Variants in FNDC3B observed in about 807,000 individuals in gnomAD.
FNDC3B encodes the protein fibronectin type III domain-containing protein 3B.
In FNDC3B, 12 loss-of-function variants were observed where a neutral mutation model predicts 151.5. The observed-to-expected ratio is 0.08, with a 90% CI of 0.05 to 0.13. FNDC3B has a LOEUF of 0.13. Among genes scored for constraint, FNDC3B ranks in the 10% least tolerant of loss-of-function variants. The probability of loss-of-function intolerance (pLI) is 1.00; values close to 1 mark genes in which losing one functional copy is unlikely to be tolerated. For missense variants in FNDC3B, 1,214 were observed against 1,505.3 expected (o/e 0.81, Z 3.20); for synonymous variants, 528 against 549.0 (o/e 0.96, Z 0.54).
chr3:172,120,990 A>G (rs1162708900), intron 2 of FNDC3B, among the ~76,000 whole-genome samples: 1 of 151,986 alleles, frequency 6.6e-6, no homozygotes, highest in Non-Finnish European at 1.5e-5. Context: ...ACAACAACCC[A>G]GAAGATATGT....
chr3:172,248,174 G>T (rs1250714150), intron 5 of FNDC3B, among the ~76,000 whole-genome samples: 1 of 152,116 alleles, frequency 6.6e-6, no homozygotes, highest in African/African-American at 2.4e-5. Flanking sequence ...CCAGTTAAAG[G>T]GAAATTGAAA....
chr3:172,334,050 G>A (rs974697180), intron 14 of FNDC3B, among the ~76,000 whole-genome samples: 20 of 152,154 alleles, frequency 1.3e-4, no homozygotes, highest in African/African-American at 4.1e-4. Flanking sequence ...ACAAGTGTGC[G>A]TTTTGGAAGA....
At chr3:172,190,530 T>G (rs914920387) in intron 3 of FNDC3B, among the ~76,000 whole-genome samples, 1 of 152,224 alleles carries the variant, frequency 6.6e-6, no homozygotes, top group South Asian at 2.1e-4. Context: ...TTGTAAATAT[T>G]AAAAGGCTCA....
At chr3:172,048,165 G>C (rs1716457105) in intron 1 of FNDC3B, among the ~76,000 whole-genome samples, 1 of 152,138 alleles carries the variant, frequency 6.6e-6, no homozygotes, top group Non-Finnish European at 1.5e-5. Context: ...TTTCTAGTAT[G>C]TGTCTACTTA....
intron 15 of FNDC3B, among the ~76,000 whole-genome samples, chr3:172,336,358 T>C (rs1168595472): frequency 6.6e-6 from 1 of 152,172 alleles, no homozygotes; most frequent in Non-Finnish European, 1.5e-5. Context: ...CACAGAGTTA[T>C]GGGTAGACTA....
intron 3 of FNDC3B, among the ~76,000 whole-genome samples, chr3:172,140,624 G>A (rs997176874): frequency 1.3e-5 from 2 of 152,212 alleles, no homozygotes; most frequent in Admixed American, 1.3e-4. Flanking sequence ...AAATACTGAC[G>A]GGCCCAGAGC....
At chr3:172,059,076 C>T (rs559663013) in intron 1 of FNDC3B, among the ~76,000 whole-genome samples, 1 of 152,184 alleles carries the variant, frequency 6.6e-6, no homozygotes, top group East Asian at 1.9e-4. Flanking sequence ...TGTTTATTTT[C>T]CTTATTTATT....
intron 20 of FNDC3B, among the ~76,000 whole-genome samples, chr3:172,346,860 T>A (rs1348463935): frequency 6.6e-6 from 1 of 151,994 alleles, no homozygotes; most frequent in Non-Finnish European, 1.5e-5. Context: ...CCCACCACCA[T>A]GCCTGGCTAG....
chr3:172,147,660 A>G (rs1035664525), intron 3 of FNDC3B, among the ~76,000 whole-genome samples: 2 of 152,112 alleles, frequency 1.3e-5, no homozygotes, highest in East Asian at 3.9e-4. Flanking sequence ...TTCTACCCCC[A>G]GGGTTTCTGA....
intron 7 of FNDC3B, among the ~76,000 whole-genome samples, chr3:172,287,316 A>G (rs1387138911): frequency 6.6e-6 from 1 of 152,002 alleles, no homozygotes; most frequent in Admixed American, 6.6e-5. Flanking sequence ...AGTTTGTTTC[A>G]CTGTCAGGGA....
At chr3:172,272,515 A>G (rs558855461) in intron 6 of FNDC3B, among the ~76,000 whole-genome samples, 1 of 152,290 alleles carries the variant, frequency 6.6e-6, no homozygotes, top group Admixed American at 6.5e-5. Flanking sequence ...TGCTACAGGA[A>G]ATAAACCTTA....
In FNDC3B at chr3:172,202,903, A is replaced by G. The variant is rs531218803; in HGVS notation, c.188-23968A>G. Among the ~76,000 whole-genome samples the G allele has an allele frequency of 7.9e-5, 12 of 152,350 alleles. 1 individual carries two copies. Among genetic ancestry groups the G allele is most frequent in the African/African-American group, 2.9e-4 (12 of 41,584 alleles). On this transcript the variant is annotated intron_variant, in intron 3 of 25. Transcript: ENST00000415807. ...TGGCACACTTTTTCTGTAAAGGGCA[A>G]GATGGTAAATAACATGCTTTGCAGA...
At chr3:172,139,350 A>T (rs1241497586) in intron 3 of FNDC3B, among the ~76,000 whole-genome samples, 1 of 152,140 alleles carries the variant, frequency 6.6e-6, no homozygotes, top group Non-Finnish European at 1.5e-5. Flanking sequence ...GGTTTTGCAA[A>T]CTGAGGTAGA....
chr3:172,195,403 T>A (rs1399102586), intron 3 of FNDC3B, among the ~76,000 whole-genome samples: 1 of 152,252 alleles, frequency 6.6e-6, no homozygotes, highest in Non-Finnish European at 1.5e-5. Context: ...TAGCATTTTT[T>A]AAAATGCACC....
intron 1 of FNDC3B, among the ~76,000 whole-genome samples, chr3:172,052,844 A>G (rs1054176313): frequency 2.0e-5 from 3 of 152,176 alleles, no homozygotes; most frequent in African/African-American, 7.2e-5. Context: ...TAGTGCTTAG[A>G]TTAAAGGACT....
intron 25 of FNDC3B, among the ~76,000 whole-genome samples, chr3:172,382,534 T>G (rs528484668): frequency 5.3e-5 from 8 of 152,236 alleles, no homozygotes; most frequent in Non-Finnish European, 8.8e-5. Flanking sequence ...AGTCATGAAG[T>G]CTTTACCCAT....
chr3:172,284,384 G>C (rs1453177156), intron 6 of FNDC3B, among the ~76,000 whole-genome samples: 1 of 152,130 alleles, frequency 6.6e-6, no homozygotes, highest in Non-Finnish European at 1.5e-5. Context: ...GGACCCTGTG[G>C]TGTCTCTGTC....
intron 22 of FNDC3B, among the ~76,000 whole-genome samples, chr3:172,357,909 G>A (rs1164742993): frequency 6.6e-6 from 1 of 152,116 alleles, no homozygotes; most frequent in Non-Finnish European, 1.5e-5. Flanking sequence ...TTGATTTCAG[G>A]GCCAGATGCT....
At chr3:172,212,459 G>C (rs1226561981) in intron 3 of FNDC3B, among the ~76,000 whole-genome samples, 4 of 152,202 alleles carry the variant, frequency 2.6e-5, no homozygotes, top group Non-Finnish European at 5.9e-5. Flanking sequence ...ATCAGGGATG[G>C]CCTGAGGAAG....
Sources: gnomAD v4.1 joint callset for allele counts (sites outside exome capture counted in the v4.1 genomes callset) on GRCh38, gnomAD v4.1.1 for gene constraint, MANE v1.5 for transcripts, NCBI Gene and HGNC (gene_info 2026-07-23, HGNC 2026-07-21) for gene names.